The following ZFYVE21 variants were observed in gnomAD, a reference collection of about 807,000 sequenced individuals.
ZFYVE21 encodes zinc finger FYVE-type containing 21.
ZFYVE21 carries 21 observed loss-of-function variants against 29.5 expected under a neutral mutation model. The ratio of observed to expected loss-of-function variants is 0.71; its 90% CI spans 0.50 to 1.02. The LOEUF (loss-of-function observed/expected upper bound fraction) is 1.02. Among genes scored for constraint, ZFYVE21 ranks in the 50% least tolerant of loss-of-function variants. The pLI, the probability that ZFYVE21 is intolerant of heterozygous loss-of-function variation, is 0.00. For synonymous variants in ZFYVE21, 151 were observed against 133.8 expected, an observed-to-expected ratio of 1.13 and a Z score of -0.89; for missense variants, 326 against 335.4, an observed-to-expected ratio of 0.97 and a Z score of 0.22.
chr14:103,721,781 T>C (rs1377662449), intron 1 of ZFYVE21, among the ~76,000 whole-genome samples: 1 of 152,246 alleles, frequency 6.6e-6, no homozygotes, highest in Admixed American at 6.5e-5. Context: ...TTCATTTTCC[T>C]CACTAAACGT....
intron 1 of ZFYVE21, among the ~76,000 whole-genome samples, chr14:103,718,024 A>G (rs907021757): frequency 1.3e-5 from 2 of 152,274 alleles, no homozygotes; most frequent in Non-Finnish European, 1.5e-5. Flanking sequence ...GCTGAAGGGG[A>G]CACTGAGCTA....
chr14:103,721,804 T>C (rs1354446693), intron 1 of ZFYVE21, among the ~76,000 whole-genome samples: 1 of 152,224 alleles, frequency 6.6e-6, no homozygotes, highest in Non-Finnish European at 1.5e-5. Flanking sequence ...TGAGGCCTGT[T>C]TCATTGGGTT....
Position 103,733,005 on chromosome 14 carries a change from C to T in ZFYVE21, c.692C>T (p.Ser231Phe). 1.2e-6 allele frequency: 2 copies of T among 1,614,136 alleles called. No individual in the cohort carries two copies. The highest frequency in any genetic ancestry group is 1.7e-6 in the Non-Finnish European group (2 of 1,180,048). The change falls in exon 7 of 7, where the codon TCT becomes TTT. Residue 231 changes from serine (S) to phenylalanine (F), a missense_variant. Physicochemically the swap from Ser to Phe is radical, Grantham distance 155. Coordinates refer to ENST00000311141, the MANE Select transcript of ZFYVE21 (RefSeq NM_024071.4). ...CAGGCTGCCAAGCTCCTCTATGAAT[C>T]TCGGGACCAGTAACTCTACGTGGGG... The part of the protein sequence containing the change: ...MHKAAKLLYE[S>F]RDQ
At chr14:103,719,232 C>T (rs1228344097) in intron 1 of ZFYVE21, among the ~76,000 whole-genome samples, 6 of 151,988 alleles carry the variant, frequency 3.9e-5, no homozygotes, top group Non-Finnish European at 7.4e-5. Flanking sequence ...GAGCTGAGAT[C>T]GTGCAGCTGC....
intron 1 of ZFYVE21, chr14:103,725,133 G>A (rs1393715305): frequency 6.6e-6 from 1 of 152,312 alleles, no homozygotes; most frequent in East Asian, 1.9e-4. Context: ...CTGTTAGAGC[G>A]GGGGAGCCGG....
intron 1 of ZFYVE21, among the ~76,000 whole-genome samples, chr14:103,720,416 G>A (rs917266559): frequency 1.6e-4 from 25 of 152,122 alleles, no homozygotes; most frequent in African/African-American, 7.2e-5. Flanking sequence ...GTTGACTGTG[G>A]GAGCCCCACC....
rs750801253 is a variant in ZFYVE21, at chr14:103,727,956, C to T, written c.358+42C>T. ...TGCACAGTCCCGCGCGCTCCGCCAG[C>T]CGGCTCCTCGTGTCTGTGGCGATGC... On this transcript the variant is annotated intron_variant, in intron 3 of 6. Coordinates refer to ENST00000311141, the MANE Select transcript of ZFYVE21 (RefSeq NM_024071.4). The T allele has an allele frequency of 1.3e-5, 20 of 1,565,060 alleles. No homozygotes were observed. The South Asian group carries it at 2.2e-4, about 17-fold the overall frequency.
chr14:103,729,649 T>C (rs986618871), intron 5 of ZFYVE21: 1 of 1,063,958 alleles, frequency 9.4e-7, no homozygotes, highest in African/African-American at 1.6e-5. Context: ...TCCACTAAAC[T>C]CTGCTGACGG....
intron 1 of ZFYVE21, among the ~76,000 whole-genome samples, chr14:103,721,933 C>T (rs572617082): frequency 2.0e-5 from 3 of 152,204 alleles, no homozygotes; most frequent in African/African-American, 4.8e-5. Flanking sequence ...TTCCAGACAC[C>T]GCTGGCCACC....
chr14:103,729,470 T>C lies in ZFYVE21; in HGVS notation c.526+288T>C, dbSNP rs1049462968. The C allele has an allele frequency of 2.5e-5, 14 of 566,806 alleles. No individual in the cohort carries two copies. The African/African-American group carries it at 2.6e-4, about 11-fold the overall frequency. 35.1% of individuals were successfully genotyped at this position (566,806 alleles called of 1,614,324 possible). ...TGCTCTAACGTATCATTCGGTTTAT[T>C]GTTGGATTCAAACCAAGGATAAAGC... On this transcript the variant is annotated intron_variant, in intron 5 of 6. Transcript: ENST00000311141.
At chr14:103,728,289 C>T (rs1020318977) in intron 3 of ZFYVE21, among the ~76,000 whole-genome samples, 3 of 152,142 alleles carry the variant, frequency 2.0e-5, no homozygotes, top group Non-Finnish European at 2.9e-5. Context: ...GATGCAGACC[C>T]GGTTTTGAGC....
intron 1 of ZFYVE21, among the ~76,000 whole-genome samples, chr14:103,717,053 A>G (rs550807125): frequency 1.3e-5 from 2 of 152,244 alleles, no homozygotes; most frequent in Non-Finnish European, 2.9e-5. Flanking sequence ...GACTGGGTTC[A>G]TTGAAGCTTG....
rs572377392 is a variant in ZFYVE21, at chr14:103,726,948, G to GTTTTTTTTTTTT, written c.189+109_189+120dup. The GTTTTTTTTTTTT allele has an allele frequency of 1.2e-4, 78 of 661,514 alleles. 2 individuals carry two copies. The highest frequency in any genetic ancestry group is 9.2e-4 in the Middle Eastern group (2 of 2,174). 41.0% of individuals were successfully genotyped at this position (661,514 alleles called of 1,614,324 possible). On this transcript the variant is annotated intron_variant, in intron 2 of 6. Coordinates refer to ENST00000311141, the MANE Select transcript of ZFYVE21 (RefSeq NM_024071.4). ...GGGGACGGATGTCATCTTATGGCTC[G>GTTTTTTTTTTTT]TTTTTTTTTTTTTTGAGACGGAGTT...
intron 6 of ZFYVE21, 106 bp from the exon 7 acceptor site, chr14:103,732,877 C>T (rs949585929): frequency 1.2e-6 from 2 of 1,602,888 alleles, no homozygotes; most frequent in Non-Finnish European, 1.7e-6. Context: ...CCTGTTCCCC[C>T]TCAGCTGGGG....
At position 103,729,107 on chromosome 14, in the gene ZFYVE21, G is replaced by A. The variant is rs1310415526; in HGVS notation, c.451G>A (p.Gly151Arg). The A allele has an allele frequency of 3.1e-6, 5 of 1,614,062 alleles. 1 individual carries two copies. The South Asian group carries it at 5.5e-5, about 18-fold the overall frequency. ...TTGATGTAGATACTTGTTTCTGGAT[G>A]GAGACAGCCACTATGAAATCGAAAT... ...SNNQRYLFLD[G>R]DSHYEIEIVH... The change falls in exon 5 of 7, where the codon GGA (glycine) becomes AGA (arginine). Residue 151 changes from glycine to arginine, a missense_variant. By Grantham distance (125) the Gly-to-Arg change is moderately radical. Coordinates refer to ENST00000311141, the MANE Select transcript of ZFYVE21 (RefSeq NM_024071.4).
intron 5 of ZFYVE21, chr14:103,729,800 C>T (rs1330818267): frequency 2.0e-6 from 3 of 1,536,384 alleles, no homozygotes. Context: ...TAGAAAAAGA[C>T]ATTCACGCTT....
chr14:103,719,654 T>TG (rs375416309), intron 1 of ZFYVE21, among the ~76,000 whole-genome samples: 123 of 150,926 alleles, frequency 8.1e-4, no homozygotes, highest in African/African-American at 2.8e-3. Flanking sequence ...CACTGCAGGG[T>TG]GGGGGGTTTC....
At chr14:103,722,351 C>CTTTTTT (rs34926725) in intron 1 of ZFYVE21, among the ~76,000 whole-genome samples, 14 of 108,368 alleles carry the variant, frequency 1.3e-4, no homozygotes, top group Middle Eastern at 5.7e-3. Context: ...TGGTCTGTCT[C>CTTTTTT]TTTTTTTTTT....
intron 1 of ZFYVE21, among the ~76,000 whole-genome samples, chr14:103,718,006 G>A (rs2083842375): frequency 6.6e-6 from 1 of 152,236 alleles, no homozygotes; most frequent in African/African-American, 2.4e-5. Flanking sequence ...CGCCTGGCAT[G>A]TGGTGATGCT....
Sources: allele counts gnomAD v4.1 joint callset (sites outside exome capture counted in the v4.1 genomes callset), GRCh38; gene constraint gnomAD v4.1.1; transcripts MANE v1.5; gene names NCBI Gene and HGNC (gene_info 2026-07-23, HGNC 2026-07-21).